The following MCCC2 variants were observed in gnomAD, a reference collection of about 807,000 sequenced individuals.
MCCC2 encodes methylcrotonoyl-CoA carboxylase beta chain, mitochondrial.
Under a neutral mutation model 77.2 loss-of-function variants are expected in MCCC2, and 52 were observed. That is an observed-to-expected ratio of 0.67 (90% CI 0.54 to 0.85). MCCC2 has a LOEUF of 0.85. MCCC2 is among the 40% of genes least tolerant of loss of function. The probability of loss-of-function intolerance (pLI) is 0.00; values close to 1 mark genes in which losing one functional copy is unlikely to be tolerated. For synonymous variants in MCCC2, 253 were observed against 248.4 expected (o/e 1.02, Z -0.18); for missense variants, 682 against 703.2 (o/e 0.97, Z 0.34).
At chr5:71,600,038 G>A (rs1052193116) in intron 4 of MCCC2, among the ~76,000 whole-genome samples, 2 of 152,088 alleles carry the variant, frequency 1.3e-5, no homozygotes, top group Admixed American at 6.6e-5. Context: ...GGTGGCACAC[G>A]CCTGTAGTCC....
At chr5:71,615,980 G>A (rs1746143913) in intron 6 of MCCC2, among the ~76,000 whole-genome samples, 1 of 152,120 alleles carries the variant, frequency 6.6e-6, no homozygotes, top group Admixed American at 6.5e-5. Context: ...CTTCAGGGAG[G>A]GAGAGGGGCT....
At chr5:71,617,381 C>G (rs748007326) in intron 6 of MCCC2, among the ~76,000 whole-genome samples, 5 of 152,148 alleles carry the variant, frequency 3.3e-5, no homozygotes, top group Non-Finnish European at 5.9e-5. Context: ...AGCATTTATC[C>G]CTTTAATCTA....
chr5:71,633,963 G>A (rs1258252421), intron 8 of MCCC2, among the ~76,000 whole-genome samples: 2 of 152,110 alleles, frequency 1.3e-5, no homozygotes, highest in East Asian at 1.9e-4. Flanking sequence ...AAGAGTAAAC[G>A]TGGTCTCTGC....
chr5:71,658,006 C>G lies in MCCC2; in HGVS notation c.*1146C>G, dbSNP rs546369361. 6.6e-6 allele frequency: 1 copy of G among 152,180 alleles called. No homozygotes were observed. Among genetic ancestry groups the G allele is most frequent in the Non-Finnish European group, 1.5e-5 (1 of 68,092 alleles). The allele number at this position is 152,180 out of a possible 1,614,324, so 9.4% of individuals were successfully genotyped here. A position where few individuals can be genotyped will look rare whatever the true frequency, so the allele number is the denominator to read the frequency against. The stretch of plus-strand genomic sequence containing the variant: ...CCCACTTATTTTTGTCTTTCACTAT[C>G]GCAGGCCTTAGAAGAGGTCTACCTG... On this transcript the variant is annotated 3_prime_UTR_variant, in exon 17 of 17. Transcript: ENST00000340941.
chr5:71,630,022 T>C, intron 7 of MCCC2, among the ~76,000 whole-genome samples: 1 of 152,186 alleles, frequency 6.6e-6, no homozygotes. Context: ...GTAGTTACAA[T>C]GTCCATTCAG....
intron 15 of MCCC2, among the ~76,000 whole-genome samples, chr5:71,650,809 T>C (rs10805891): frequency 0.81 from 123,209 of 152,074 alleles, 50,948 homozygotes; most frequent in East Asian, 0.98. Flanking sequence ...TTACCATGCC[T>C]GGCTAATTTT....
chr5:71,651,360 AAG>A, intron 15 of MCCC2, among the ~76,000 whole-genome samples: 1 of 152,248 alleles, frequency 6.6e-6, no homozygotes, highest in African/African-American at 2.4e-5. Flanking sequence ...GCAGATCAGC[AAG>A]CGGCTGCTTT....
chr5:71,634,197 GT>G (rs1278447601), intron 8 of MCCC2, among the ~76,000 whole-genome samples: 2 of 152,176 alleles, frequency 1.3e-5, no homozygotes, highest in African/African-American at 4.8e-5. Flanking sequence ...GAAAGTCATA[GT>G]TTATCTACAT....
chr5:71,650,939 G>A (rs1318924941), intron 15 of MCCC2, among the ~76,000 whole-genome samples: 9 of 152,016 alleles, frequency 5.9e-5, no homozygotes, highest in Admixed American at 4.6e-4. Flanking sequence ...TTGAGCCACC[G>A]CGCCCGGCCT....
intron 8 of MCCC2, among the ~76,000 whole-genome samples, chr5:71,633,131 A>ATATATATTTT (rs1554137344): frequency 2.6e-5 from 2 of 78,096 alleles, no homozygotes; most frequent in African/African-American, 1.0e-4. Flanking sequence ...ATATATATAT[A>ATATATATTTT]TTTTTATTTT....
chr5:71,649,280 A>G lies in MCCC2; in HGVS notation c.1373+27A>G, dbSNP rs116092799. On this transcript the variant is annotated intron_variant, in intron 14 of 16. Transcript: ENST00000340941. ...TAGGTGTCATGATTTTCTCTGAAAC[A>G]AAGAAACATGCTTCAAGTATAAAAT... 783 of 1,602,462 alleles carry G rather than the reference A, an allele frequency of 4.9e-4. 9 individuals carry two copies. In the African/African-American group the frequency reaches 9.1e-3, roughly 19 times the overall value.
intron 15 of MCCC2, among the ~76,000 whole-genome samples, chr5:71,651,818 C>T (rs1287663368): frequency 6.6e-6 from 1 of 152,100 alleles, no homozygotes; most frequent in African/African-American, 2.4e-5. Flanking sequence ...CCTGATACTT[C>T]AAAGACATGT....
rs1747390386 is a variant in MCCC2, at chr5:71,650,065, C to T, written c.1374-4C>T. 1.2e-6 allele frequency: 2 copies of T among 1,611,130 alleles called. No individual in the cohort carries two copies. Among genetic ancestry groups the T allele is most frequent in the Non-Finnish European group, 1.7e-6 (2 of 1,177,270 alleles). ...TTTGTTTATTCTTCCTTTTCTTCCCCCAGCCCAAGATTTCTCTACATTTGG... is the reference window on the plus strand; with the variant it reads ...TTTGTTTATTCTTCCTTTTCTTCCCTCAGCCCAAGATTTCTCTACATTTGG... On this transcript the variant is annotated splice_polypyrimidine_tract_variant and splice_region_variant and intron_variant, in intron 14 of 16. Coordinates refer to ENST00000340941, the MANE Select transcript of MCCC2 (RefSeq NM_022132.5).
intron 13 of MCCC2, 36 bp from the exon 14 acceptor site, chr5:71,649,061 A>T (rs755096499): frequency 6.2e-7 from 1 of 1,613,186 alleles, no homozygotes; most frequent in South Asian, 1.1e-5. Context: ...TATTAATCCC[A>T]TCACCCAGAG....
At chr5:71,603,485 C>T (rs114621464) in intron 5 of MCCC2, among the ~76,000 whole-genome samples, 1,835 of 150,070 alleles carry the variant, frequency 0.012, 49 homozygotes, top group African/African-American at 0.042. Context: ...TTCCAACATA[C>T]GTTGTTCATG....
intron 6 of MCCC2, among the ~76,000 whole-genome samples, chr5:71,625,140 G>A (rs1411097950): frequency 1.3e-5 from 2 of 152,122 alleles, no homozygotes; most frequent in Non-Finnish European, 1.5e-5. Flanking sequence ...TGCCATGCCT[G>A]CTTAGTTCTT....
At chr5:71,613,835 C>T (rs1436274944) in intron 6 of MCCC2, among the ~76,000 whole-genome samples, 5 of 151,838 alleles carry the variant, frequency 3.3e-5, no homozygotes, top group Non-Finnish European at 4.4e-5. Flanking sequence ...CACACATAGC[C>T]GGACATCTTC....
chr5:71,618,167 C>G (rs1431931133), intron 6 of MCCC2, among the ~76,000 whole-genome samples: 2 of 152,100 alleles, frequency 1.3e-5, no homozygotes, highest in Non-Finnish European at 2.9e-5. Context: ...CCCAGTGGTG[C>G]AGTTTAAATG....
intron 1 of MCCC2, among the ~76,000 whole-genome samples, chr5:71,588,463 C>T (rs748941154): frequency 7.9e-5 from 12 of 152,154 alleles, no homozygotes; most frequent in Admixed American, 1.3e-4. Context: ...GTGCAAACAA[C>T]ACACAATTGT....
Sources: allele counts gnomAD v4.1 joint callset (sites outside exome capture counted in the v4.1 genomes callset), GRCh38; gene constraint gnomAD v4.1.1; transcripts MANE v1.5; gene names NCBI Gene and HGNC (gene_info 2026-07-23, HGNC 2026-07-21).